FGFR1OP2: variants seen among roughly 807,000 people sequenced by gnomAD.
FGFR1OP2 encodes fibroblast growth factor receptor 1 oncogene partner 2.
A neutral mutation model predicts 35.2 loss-of-function variants in FGFR1OP2; 17 were observed. The observed-to-expected ratio is 0.48, with a 90% CI of 0.33 to 0.73. The LOEUF is 0.73. Ranked by LOEUF, FGFR1OP2 falls within the 30% of genes least tolerant of loss-of-function variation. FGFR1OP2 has a pLI of 0.02. For missense variants in FGFR1OP2, 251 were observed against 307.3 expected (o/e 0.82, Z 1.37); for synonymous variants, 105 against 104.6 (o/e 1.00, Z -0.03).
rs760914832 is a variant in FGFR1OP2 at position 26,952,746 on chromosome 12, G to T, written c.-14-1399G>T. Reference sequence around the variant, plus strand: ...AGTTGGTACAGATCTGTAGTCCAGGGCAGTGGTATATAACAAAGTCCTGAA... The same window carrying T: ...AGTTGGTACAGATCTGTAGTCCAGGTCAGTGGTATATAACAAAGTCCTGAA... On this transcript the variant is annotated intron_variant, in intron 1 of 6. Coordinates refer to ENST00000229395, the MANE Select transcript of FGFR1OP2 (RefSeq NM_015633.3). Among the ~76,000 whole-genome samples, 44 of 151,310 alleles carry T rather than the reference G, an allele frequency of 2.9e-4. 1 individual carries two copies. The highest frequency in any genetic ancestry group is 1.5e-4 in the Non-Finnish European group (10 of 67,870).
Position 26,964,681 on chromosome 12 carries a change from CTTCT to C in FGFR1OP2, c.713_716del (p.Ser238CysfsTer4). The C allele has an allele frequency of 6.2e-7, 1 of 1,612,106 alleles. No homozygotes were observed. Among genetic ancestry groups the C allele is most frequent in the Non-Finnish European group, 8.5e-7 (1 of 1,179,380 alleles). On this transcript the variant is annotated frameshift_variant, in exon 7 of 7. Transcript: ENST00000229395. LOFTEE classifies it high-confidence loss of function. ...AGGAAAGATGATGCGTCGGAAAGTA[CTTCT>C]TTGTCAGCATTAGTGACCAACAGTG...
chr12:26,950,053 CAT>C (rs1382982940), intron 1 of FGFR1OP2, among the ~76,000 whole-genome samples: 4 of 151,974 alleles, frequency 2.6e-5, no homozygotes, highest in Non-Finnish European at 5.9e-5. Context: ...TTTACAGTTT[CAT>C]ATGAGGCTTT....
chr12:26,964,864 C>A lies in FGFR1OP2; in HGVS notation c.*131C>A. 2 of 899,286 alleles carry A rather than the reference C, an allele frequency of 2.2e-6. No individual in the cohort carries two copies. Among genetic ancestry groups the A allele is most frequent in the African/African-American group, 1.7e-5 (1 of 60,090 alleles). The allele number at this position is 899,286 out of a possible 1,614,324, so 55.7% of individuals were successfully genotyped here. On this transcript the variant is annotated 3_prime_UTR_variant, in exon 7 of 7. Coordinates refer to ENST00000229395, the MANE Select transcript of FGFR1OP2 (RefSeq NM_015633.3). The stretch of plus-strand genomic sequence containing the variant: ...GTACAGTGCACGGGCTATGAGATAG[C>A]AACAAAAAATGCATAGTTAATGGTC...
At chr12:26,956,048 C>G (rs936297279) in intron 2 of FGFR1OP2, among the ~76,000 whole-genome samples, 2 of 151,982 alleles carry the variant, frequency 1.3e-5, no homozygotes, top group African/African-American at 4.8e-5. Flanking sequence ...AGCTCATCAG[C>G]TATCGTTAGC....
Position 26,951,434 on chromosome 12 carries a change from C to A in FGFR1OP2, c.-14-2711C>A, listed in dbSNP as rs144246196. On this transcript the variant is annotated intron_variant, in intron 1 of 6. Coordinates refer to ENST00000229395, the MANE Select transcript of FGFR1OP2 (RefSeq NM_015633.3). The stretch of plus-strand genomic sequence containing the variant: ...TCCCAAGTTCAAGCAATTCTCTTGC[C>A]TCAGCTTCCTGAGTAGCTGGTATCA... Among the ~76,000 whole-genome samples, 1,184 of 152,312 alleles carry A rather than the reference C, an allele frequency of 7.8e-3. 20 individuals are homozygous for A. Among genetic ancestry groups the A allele is most frequent in the African/African-American group, 0.027 (1,126 of 41,552 alleles).
chr12:26,961,729 ACT>A (rs1939108648), intron 5 of FGFR1OP2: 1 of 151,790 alleles, frequency 6.6e-6, no homozygotes, highest in Non-Finnish European at 1.5e-5. Context: ...CAAGAGCGAG[ACT>A]CTGTCTAAAA....
chr12:26,950,775 TAA>T (rs746119247), intron 1 of FGFR1OP2, among the ~76,000 whole-genome samples: 1 of 152,206 alleles, frequency 6.6e-6, no homozygotes, highest in Non-Finnish European at 1.5e-5. Flanking sequence ...GTTTTTAAGA[TAA>T]AACCCATTAA....
intron 4 of FGFR1OP2, among the ~76,000 whole-genome samples, chr12:26,958,317 T>C (rs1389210126): frequency 1.3e-5 from 2 of 152,350 alleles, no homozygotes; most frequent in East Asian, 3.9e-4. Flanking sequence ...GCTACGATCA[T>C]GCCATTGCAC....
intron 1 of FGFR1OP2, among the ~76,000 whole-genome samples, chr12:26,940,442 G>A (rs569801534): frequency 6.6e-6 from 1 of 152,142 alleles, no homozygotes; most frequent in Non-Finnish European, 1.5e-5. Flanking sequence ...CACATACAGC[G>A]ATGTGCCTTT....
rs1260522326 is a variant in FGFR1OP2 at position 26,964,627 on chromosome 12, A to G, written c.656A>G (p.Gln219Arg). The G allele has an allele frequency of 1.9e-6, 3 of 1,612,994 alleles. No homozygotes were observed. The highest frequency in any genetic ancestry group is 1.7e-5 in the Admixed American group (1 of 59,972). Residue 219 changes from glutamine (Q) to arginine (R), a missense_variant, in exon 7 of 7, where the codon CAA (glutamine) becomes CGA (arginine). Coordinates refer to ENST00000229395, the MANE Select transcript of FGFR1OP2 (RefSeq NM_015633.3). ...QENKGLREIL[Q>R]ITRESFLNLR... ...AACAAAGGCTTGAGAGAGATCCTTC[A>G]AATAACTCGAGAATCATTTTTGAAC...
chr12:26,954,185 T>G lies in FGFR1OP2; in HGVS notation c.27T>G (p.Leu9=). MSCTIEKA[L]ADAKALVERL... Reference sequence around the variant, plus strand: ...TGAGTTGCACAATTGAGAAGGCACTTGCCGACGCTAAAGCTCTTGTTGAAA... The same window carrying G: ...TGAGTTGCACAATTGAGAAGGCACTGGCCGACGCTAAAGCTCTTGTTGAAA... The change falls in exon 2 of 7, where the codon CTT becomes CTG. Residue 9 remains leucine (L), a synonymous_variant. Transcript: ENST00000229395. The G allele has an allele frequency of 6.2e-7, 1 of 1,606,256 alleles. No homozygotes were observed. Among genetic ancestry groups the G allele is most frequent in the Non-Finnish European group, 8.5e-7 (1 of 1,176,630 alleles).
At position 26,966,510 on chromosome 12, in the gene FGFR1OP2, A is replaced by G. The variant is rs1410906462; in HGVS notation, c.*1777A>G. The G allele has an allele frequency of 2.1e-5, 3 of 145,292 alleles. No individual in the cohort carries two copies. Among genetic ancestry groups the G allele is most frequent in the Non-Finnish European group, 3.0e-5 (2 of 66,236 alleles). The allele number at this position is 145,292 out of a possible 1,614,324, so 9.0% of individuals were successfully genotyped here. A position where few individuals can be genotyped will look rare whatever the true frequency, so the allele number is the denominator to read the frequency against. On this transcript the variant is annotated 3_prime_UTR_variant, in exon 7 of 7. Coordinates refer to ENST00000229395, the MANE Select transcript of FGFR1OP2 (RefSeq NM_015633.3). ...AAGGTCTTCATGTTTAAAGACATTT[A>G]CTTTGTTATTTAGTGACACATTTCC...
intron 1 of FGFR1OP2, among the ~76,000 whole-genome samples, chr12:26,940,564 G>A (rs1342042908): frequency 6.6e-6 from 1 of 151,844 alleles, no homozygotes; most frequent in Admixed American, 6.6e-5. Flanking sequence ...TTTCCATATG[G>A]GTCAGTTCAT....
At chr12:26,957,499 T>C in intron 3 of FGFR1OP2, 102 bp from the exon 4 acceptor site, 1 of 1,044,782 alleles carries the variant, frequency 9.6e-7, no homozygotes, top group Non-Finnish European at 1.4e-6. Flanking sequence ...GTGCATTGTG[T>C]TTTCTTTTTA....
intron 1 of FGFR1OP2, chr12:26,953,509 C>T (rs1938970969): frequency 6.6e-6 from 1 of 152,030 alleles, no homozygotes. Flanking sequence ...CTGTAATTAC[C>T]AGTTTTGTCC....
intron 6 of FGFR1OP2, 22 bp downstream of exon 6, chr12:26,963,477 TAGATG>T: frequency 4.0e-6 from 6 of 1,494,112 alleles, no homozygotes; most frequent in Non-Finnish European, 5.6e-6. Context: ...ATTGCAAATG[TAGATG>T]AAAACTGTCC....
chr12:26,954,594 A>C (rs1938989806), intron 2 of FGFR1OP2, among the ~76,000 whole-genome samples: 1 of 152,218 alleles, frequency 6.6e-6, no homozygotes, highest in Non-Finnish European at 1.5e-5. Context: ...CCTTTTACTA[A>C]TGTTGGTACA....
chr12:26,953,343 GT>G (rs1165173295), intron 1 of FGFR1OP2, among the ~76,000 whole-genome samples: 3 of 149,936 alleles, frequency 2.0e-5, no homozygotes, highest in Non-Finnish European at 4.4e-5. Flanking sequence ...GAAACTTAAA[GT>G]TTTGGAAAGA....
chr12:26,949,180 G>A (rs1460928167), intron 1 of FGFR1OP2, among the ~76,000 whole-genome samples: 1 of 152,114 alleles, frequency 6.6e-6, no homozygotes, highest in Non-Finnish European at 1.5e-5. Context: ...TTGTTGCCCA[G>A]GCTAGAGTGC....
Sources: gnomAD v4.1 joint callset for allele counts (sites outside exome capture counted in the v4.1 genomes callset) on GRCh38, gnomAD v4.1.1 for gene constraint, MANE v1.5 for transcripts, NCBI Gene and HGNC (gene_info 2026-07-23, HGNC 2026-07-21) for gene names.